HDAC9: variants seen among roughly 807,000 people sequenced by gnomAD.
The protein encoded by HDAC9 is histone deacetylase 9, also known as MEF-2 interacting transcription repressor (MITR) protein.
Under a neutral mutation model 139.4 loss-of-function variants are expected in HDAC9, and 41 were observed. That is an observed-to-expected ratio of 0.29 (90% CI 0.23 to 0.38). HDAC9 has a LOEUF of 0.38. Among genes scored for constraint, HDAC9 ranks in the 10% least tolerant of loss-of-function variants. The pLI is 1.00. For synonymous variants in HDAC9, 517 were observed against 476.2 expected, an observed-to-expected ratio of 1.09 and a Z score of -1.12; for missense variants, 1,147 against 1,297.0, an observed-to-expected ratio of 0.88 and a Z score of 1.78.
intron 10 of HDAC9, 151 bp from the exon 11 acceptor site, chr7:18,648,315 T>G: frequency 1.4e-6 from 1 of 690,074 alleles, no homozygotes. Flanking sequence ...GTTGTTTGCC[T>G]GGTAGCATCA....
At chr7:18,387,752 G>A (rs1368048316) in intron 1 of HDAC9, among the ~76,000 whole-genome samples, 1 of 152,162 alleles carries the variant, frequency 6.6e-6, no homozygotes, top group Admixed American at 6.5e-5. Context: ...ATAGGGATAA[G>A]CGAATAAAAC....
intron 12 of HDAC9, among the ~76,000 whole-genome samples, chr7:18,687,789 T>G (rs189904029): frequency 1.2e-4 from 18 of 151,986 alleles, no homozygotes; most frequent in Admixed American, 1.1e-3. Context: ...ACTAGTTAGA[T>G]GGACATATTT....
At chr7:18,398,410 C>T (rs1301853027) in intron 1 of HDAC9, among the ~76,000 whole-genome samples, 4 of 152,120 alleles carry the variant, frequency 2.6e-5, no homozygotes, top group South Asian at 2.1e-4. Flanking sequence ...TCTTGGGAAA[C>T]CCTTTTACTT....
At chr7:18,853,999 C>T (rs1797492530) in intron 21 of HDAC9, among the ~76,000 whole-genome samples, 1 of 152,084 alleles carries the variant, frequency 6.6e-6, no homozygotes, top group Non-Finnish European at 1.5e-5. Flanking sequence ...AAATGTAGTT[C>T]ACTTGCTTGG....
intron 6 of HDAC9, among the ~76,000 whole-genome samples, chr7:18,612,117 T>C (rs991715384): frequency 1.3e-5 from 2 of 152,060 alleles, no homozygotes; most frequent in African/African-American, 4.8e-5. Flanking sequence ...ATTTTTCAAA[T>C]CTCCTGTATT....
chr7:18,664,851 T>A (rs961444756), intron 11 of HDAC9, among the ~76,000 whole-genome samples: 6 of 152,170 alleles, frequency 3.9e-5, no homozygotes, highest in African/African-American at 9.6e-5. Context: ...TCTAAGACAT[T>A]CACTAAAAGC....
At chr7:18,403,599 G>A (rs951186511) in intron 1 of HDAC9, among the ~76,000 whole-genome samples, 1 of 152,134 alleles carries the variant, frequency 6.6e-6, no homozygotes, top group African/African-American at 2.4e-5. Context: ...TGAATAATGA[G>A]TAAATGAAAA....
At chr7:18,673,719 A>C (rs1426513325) in intron 12 of HDAC9, among the ~76,000 whole-genome samples, 4 of 152,004 alleles carry the variant, frequency 2.6e-5, no homozygotes, top group Non-Finnish European at 4.4e-5. Context: ...AGATCTCATC[A>C]CATCAATTTG....
intron 1 of HDAC9, among the ~76,000 whole-genome samples, chr7:18,397,352 CA>C (rs1787157251): frequency 6.6e-6 from 1 of 152,136 alleles, no homozygotes; most frequent in African/African-American, 2.4e-5. Context: ...TGAGAGGCAT[CA>C]AATGCTTTTT....
chr7:18,391,608 G>A (rs1219945097), intron 1 of HDAC9, among the ~76,000 whole-genome samples: 1 of 152,154 alleles, frequency 6.6e-6, no homozygotes, highest in African/African-American at 2.4e-5. Flanking sequence ...CACAAATAGT[G>A]TTACCCAGAA....
chr7:18,734,443 C>A (rs764916460), intron 13 of HDAC9, among the ~76,000 whole-genome samples: 2 of 152,254 alleles, frequency 1.3e-5, no homozygotes, highest in Admixed American at 1.3e-4. Flanking sequence ...AGTGTTCTCA[C>A]TGTTCAATTC....
At chr7:18,740,213 C>T (rs995535582) in intron 13 of HDAC9, among the ~76,000 whole-genome samples, 4 of 152,188 alleles carry the variant, frequency 2.6e-5, no homozygotes, top group African/African-American at 9.6e-5. Flanking sequence ...TCCCCCAACC[C>T]CTTGTGCTTC....
In HDAC9 at chr7:18,647,775, C is replaced by A; in HGVS notation, c.1036-10C>A. ...AAGAGGATTAACATCTTTGTTATTT[C>A]TCAACACAGGCTTCGAATTCACTCA... On this transcript the variant is annotated splice_polypyrimidine_tract_variant and intron_variant, in intron 9 of 25. Coordinates refer to ENST00000686413, the MANE Select transcript of HDAC9 (RefSeq NM_178425.4). The A allele has an allele frequency of 6.3e-7, 1 of 1,595,634 alleles. No individual in the cohort carries two copies.
At chr7:18,791,053 G>A (rs1792258751) in intron 16 of HDAC9, among the ~76,000 whole-genome samples, 1 of 152,160 alleles carries the variant, frequency 6.6e-6, no homozygotes, top group African/African-American at 2.4e-5. Context: ...AGGCATATGG[G>A]TATCACGCAA....
At chr7:18,841,209 G>T (rs956413267) in intron 21 of HDAC9, among the ~76,000 whole-genome samples, 1 of 151,916 alleles carries the variant, frequency 6.6e-6, no homozygotes, top group African/African-American at 2.4e-5. Context: ...TGAAAAAGAG[G>T]TTTCTAAATT....
intron 1 of HDAC9, among the ~76,000 whole-genome samples, chr7:18,470,064 A>C (rs1794606760): frequency 6.6e-6 from 1 of 152,176 alleles, no homozygotes; most frequent in South Asian, 2.1e-4. Context: ...AGGGCCAGGC[A>C]TGGTGGCTCT....
rs968706432 is a variant in HDAC9, at chr7:18,162,918, G to A, written c.25+569G>A. ...GCTGTGATCAGCACAGCCAACACCC[G>A]TTCCTCCAGGAACAGGCTGTCATTT... On this transcript the variant is annotated intron_variant, in intron 2 of 12. Transcript: ENST00000417496. 1.2e-4 allele frequency among the ~76,000 whole-genome samples: 18 copies of A among 152,202 alleles called. No individual in the cohort carries two copies. The South Asian group carries it at 2.5e-3, about 21-fold the overall frequency.
chr7:18,229,838 G>C (rs1789534365), intron 2 of HDAC9, among the ~76,000 whole-genome samples: 1 of 152,134 alleles, frequency 6.6e-6, no homozygotes, highest in African/African-American at 2.4e-5. Context: ...TCAATTTGAT[G>C]AAGTCACACT....
intron 1 of HDAC9, among the ~76,000 whole-genome samples, chr7:18,448,864 C>T (rs1038674369): frequency 6.6e-6 from 1 of 151,992 alleles, no homozygotes; most frequent in African/African-American, 2.4e-5. Flanking sequence ...GAAGACCAAA[C>T]CTACAAGATT....
Sources: allele counts gnomAD v4.1 joint callset (sites outside exome capture counted in the v4.1 genomes callset), GRCh38; gene constraint gnomAD v4.1.1; transcripts MANE v1.5; gene names NCBI Gene and HGNC (gene_info 2026-07-23, HGNC 2026-07-21).